Variants in GSG1L observed in about 807,000 individuals in gnomAD.
GSG1L encodes germ cell-specific gene 1-like protein.
GSG1L carries 24 observed loss-of-function variants against 42.1 expected under a neutral mutation model. That is an observed-to-expected ratio of 0.57 (90% CI 0.41 to 0.80). The LOEUF (loss-of-function observed/expected upper bound fraction) is 0.80. Among genes scored for constraint, GSG1L ranks in the 30% least tolerant of loss-of-function variants. The probability of loss-of-function intolerance (pLI) is 0.00; values close to 1 mark genes in which losing one functional copy is unlikely to be tolerated. For missense variants in GSG1L, 445 were observed against 472.2 expected (o/e 0.94, Z 0.53); for synonymous variants, 215 against 203.5 (o/e 1.06, Z -0.48).
At chr16:28,010,392 T>TG (rs1225448075) in intron 1 of GSG1L, among the ~76,000 whole-genome samples, 1 of 152,100 alleles carries the variant, frequency 6.6e-6, no homozygotes, top group Non-Finnish European at 1.5e-5. Context: ...GCATGCACTG[T>TG]GGGGGGATTT....
At chr16:28,042,423 G>A (rs867009268) in intron 1 of GSG1L, among the ~76,000 whole-genome samples, 34 of 124,436 alleles carry the variant, frequency 2.7e-4, no homozygotes, top group Middle Eastern at 4.0e-3. Flanking sequence ...GCAACAGAGC[G>A]AAACTCCATC....
intron 3 of GSG1L, among the ~76,000 whole-genome samples, chr16:27,854,869 T>C: frequency 6.6e-6 from 1 of 152,126 alleles, no homozygotes; most frequent in Non-Finnish European, 1.5e-5. Context: ...TGGGTGGGAA[T>C]GAGATCCAGG....
intron 3 of GSG1L, among the ~76,000 whole-genome samples, chr16:27,849,073 C>T (rs1193455886): frequency 6.6e-6 from 1 of 151,940 alleles, no homozygotes; most frequent in African/African-American, 2.4e-5. Context: ...GCACATGCCT[C>T]CGCTACTCGG....
intron 1 of GSG1L, among the ~76,000 whole-genome samples, chr16:28,036,591 C>T (rs1468621894): frequency 6.6e-6 from 1 of 152,182 alleles, no homozygotes; most frequent in African/African-American, 2.4e-5. Context: ...CCCCCTTCAC[C>T]AGGACTTCCT....
At chr16:27,983,160 C>A (rs2085343292) in intron 1 of GSG1L, among the ~76,000 whole-genome samples, 1 of 151,970 alleles carries the variant, frequency 6.6e-6, no homozygotes, top group Non-Finnish European at 1.5e-5. Context: ...CATGTTGAAA[C>A]CCTGTTTCTA....
intron 3 of GSG1L, among the ~76,000 whole-genome samples, chr16:27,877,500 C>T (rs2083902247): frequency 6.6e-6 from 1 of 151,862 alleles, no homozygotes; most frequent in African/African-American, 2.4e-5. Flanking sequence ...TTCATGGGTC[C>T]CTAGCAGTAT....
At chr16:28,038,903 C>T (rs1044324364) in intron 1 of GSG1L, among the ~76,000 whole-genome samples, 4 of 152,168 alleles carry the variant, frequency 2.6e-5, no homozygotes, top group African/African-American at 9.7e-5. Context: ...GAGATTATCT[C>T]ATTGATCCTC....
At chr16:27,811,822 T>A (rs542537250) in intron 5 of GSG1L, among the ~76,000 whole-genome samples, 12 of 152,284 alleles carry the variant, frequency 7.9e-5, no homozygotes, top group Admixed American at 1.3e-4. Context: ...TTATTTTTTT[T>A]ATATTTTTAG....
rs141388987 is a variant in GSG1L at position 27,964,032 on chromosome 16, G to A, written c.350-829C>T. On this transcript the variant is annotated intron_variant, in intron 1 of 6. Transcript: ENST00000447459. The stretch of plus-strand genomic sequence containing the variant: ...TGAATTGCTTTATACTTTTTTTAAT[G>A]TTACATTGTTTCCTCAAAGGCTAGA... Among the ~76,000 whole-genome samples, 216 of 152,240 alleles carry A rather than the reference G, an allele frequency of 1.4e-3. 4 individuals are homozygous for A. Among genetic ancestry groups the A allele is most frequent in the African/African-American group, 5.2e-3 (214 of 41,548 alleles).
intron 3 of GSG1L, among the ~76,000 whole-genome samples, chr16:27,857,554 C>A (rs1045162890): frequency 9.2e-5 from 14 of 152,024 alleles, no homozygotes; most frequent in African/African-American, 2.9e-4. Context: ...CCAGCCTGGG[C>A]AACATAGGGA....
chr16:27,977,575 A>G (rs1434438583), intron 1 of GSG1L, among the ~76,000 whole-genome samples: 1 of 151,710 alleles, frequency 6.6e-6, no homozygotes, highest in Non-Finnish European at 1.5e-5. Flanking sequence ...AAAAAAAAAA[A>G]AAAAAAAAAA....
At chr16:27,886,399 C>T (rs932454189) in intron 2 of GSG1L, among the ~76,000 whole-genome samples, 1 of 152,136 alleles carries the variant, frequency 6.6e-6, no homozygotes, top group Non-Finnish European at 1.5e-5. Context: ...GAGATAGCAC[C>T]ACTGCACTCC....
intron 4 of GSG1L, among the ~76,000 whole-genome samples, chr16:27,834,696 G>A (rs188930158): frequency 2.2e-4 from 33 of 152,240 alleles, no homozygotes; most frequent in African/African-American, 7.7e-4. Context: ...GGCTGTCAAA[G>A]TTATGTGTGT....
chr16:27,917,460 A>G (rs569146690), intron 2 of GSG1L, among the ~76,000 whole-genome samples: 28 of 152,276 alleles, frequency 1.8e-4, no homozygotes, highest in Non-Finnish European at 1.2e-4. Flanking sequence ...GTGGAGAAAG[A>G]AAGGGTGTTC....
chr16:27,866,819 G>A (rs184989632), intron 3 of GSG1L, among the ~76,000 whole-genome samples: 42 of 152,122 alleles, frequency 2.8e-4, no homozygotes, highest in Admixed American at 2.6e-3. Flanking sequence ...TGATCCTCCC[G>A]CCTCAGCCTC....
chr16:27,810,028 ATCAT>A (rs531204849), intron 5 of GSG1L, among the ~76,000 whole-genome samples: 1 of 152,156 alleles, frequency 6.6e-6, no homozygotes, highest in African/African-American at 2.4e-5. Context: ...ATAATCACCA[ATCAT>A]TCATTCATTC....
intron 4 of GSG1L, among the ~76,000 whole-genome samples, chr16:27,831,673 T>C (rs987782226): frequency 6.6e-6 from 1 of 152,182 alleles, no homozygotes; most frequent in Non-Finnish European, 1.5e-5. Context: ...CAGAAACAGA[T>C]GCTATGCGGT....
intron 1 of GSG1L, among the ~76,000 whole-genome samples, chr16:28,015,659 A>C (rs1300479979): frequency 6.6e-6 from 1 of 152,230 alleles, no homozygotes; most frequent in Non-Finnish European, 1.5e-5. Context: ...TTAGTATGTA[A>C]GGGAAGGATG....
intron 1 of GSG1L, among the ~76,000 whole-genome samples, chr16:28,029,867 C>CGTGT (rs147993796): frequency 6.6e-6 from 1 of 151,418 alleles, no homozygotes; most frequent in Non-Finnish European, 1.5e-5. Context: ...ACAAGGATAG[C>CGTGT]GTGTGTGTGT....
Sources: allele counts gnomAD v4.1 joint callset (sites outside exome capture counted in the v4.1 genomes callset), GRCh38; gene constraint gnomAD v4.1.1; transcripts MANE v1.5; gene names NCBI Gene and HGNC (gene_info 2026-07-23, HGNC 2026-07-21).